The following SUPT7L variants were observed in gnomAD, a reference collection of about 807,000 sequenced individuals.
SUPT7L encodes the protein SPT7 like, STAGA complex subunit gamma.
In SUPT7L, 15 loss-of-function variants were observed where a neutral mutation model predicts 35.7. The observed-to-expected ratio is 0.42, with a 90% confidence interval of 0.28 to 0.65. The LOEUF (loss-of-function observed/expected upper bound fraction) is 0.65. Ranked by LOEUF, SUPT7L falls within the 30% of genes least tolerant of loss-of-function variation. The probability of loss-of-function intolerance (pLI) is 0.23; values close to 1 mark genes in which losing one functional copy is unlikely to be tolerated. For missense variants in SUPT7L, 434 were observed against 522.2 expected, an observed-to-expected ratio of 0.83 and a Z score of 1.65; for synonymous variants, 168 against 186.2, an observed-to-expected ratio of 0.90 and a Z score of 0.79.
At chr2:27,660,413 G>A (rs868518538) in intron 3 of SUPT7L, among the ~76,000 whole-genome samples, 2 of 151,976 alleles carry the variant, frequency 1.3e-5, no homozygotes, top group African/African-American at 4.8e-5. Flanking sequence ...TAGTACAGAT[G>A]GGGTTTCGCC....
the SUPT7L span, among the ~76,000 whole-genome samples, chr2:27,642,958 T>TACACACACACACACACAC: frequency 2.7e-4 from 33 of 122,658 alleles, no homozygotes; most frequent in East Asian, 2.7e-3. Flanking sequence ...TATATATATA[T>TACACACACACACACACAC]ACACACACAC....
At chr2:27,659,832 C>T (rs1258474399) in intron 3 of SUPT7L, among the ~76,000 whole-genome samples, 2 of 151,916 alleles carry the variant, frequency 1.3e-5, no homozygotes, top group Non-Finnish European at 1.5e-5. Flanking sequence ...TGTATACACA[C>T]ACATATGTGA....
chr2:27,653,507 T>C lies in SUPT7L; in HGVS notation c.1223A>G (p.Lys408Arg). 1 of 1,614,200 alleles carries C rather than the reference T, an allele frequency of 6.2e-7. No homozygotes were observed. Among genetic ancestry groups the C allele is most frequent in the Non-Finnish European group, 8.5e-7 (1 of 1,180,034 alleles). ...CTTTTATATTTTCCTCATCCTCTTC[T>C]TGCAGCGCTGGTTGAAAACAGGGGA... ...GSSPVFNQRCKKRMRKI is the reference protein window; with the variant it reads ...GSSPVFNQRCRKRMRKI Residue 408 changes from lysine (K) to arginine (R), a missense_variant, in exon 6 of 6, where the codon AAG becomes AGG. By Grantham distance (26) the Lys-to-Arg change is conservative (BLOSUM62 2). Transcript: ENST00000337768.
chr2:27,647,986 T>C (rs145512340), downstream of SUPT7L: 14,819 of 1,059,524 alleles, frequency 0.014, 138 homozygotes, highest in Middle Eastern at 0.041. Flanking sequence ...GAGCATCTGC[T>C]TATCCTCACA....
intron 3 of SUPT7L, among the ~76,000 whole-genome samples, chr2:27,658,168 C>G (rs985103349): frequency 6.6e-6 from 1 of 152,094 alleles, no homozygotes; most frequent in African/African-American, 2.4e-5. Context: ...TACAAGGGAC[C>G]ATTTCAAAAC....
chr2:27,653,426 A>G lies in SUPT7L; in HGVS notation c.*59T>C. On this transcript the variant is annotated 3_prime_UTR_variant, in exon 6 of 6. Transcript: ENST00000337768. ...AATTTTTAAGGAAACAGATTCTAATACAAAAACCTTTTCTGTTGGGTCTAG... is the reference window on the plus strand; with the variant it reads ...AATTTTTAAGGAAACAGATTCTAATGCAAAAACCTTTTCTGTTGGGTCTAG... 6.4e-7 allele frequency: 1 copy of G among 1,552,656 alleles called. No individual in the cohort carries two copies. Among genetic ancestry groups the G allele is most frequent in the Non-Finnish European group, 8.7e-7 (1 of 1,154,708 alleles).
Position 27,657,382 on chromosome 2 carries a change from T to C in SUPT7L, c.707A>G (p.Gln236Arg). 1 of 1,614,240 alleles carries C rather than the reference T, an allele frequency of 6.2e-7. No individual in the cohort carries two copies. Among genetic ancestry groups the C allele is most frequent in the African/African-American group, 1.3e-5 (1 of 75,066 alleles). ...GSVLSLQKFW[Q>R]HRIKDYHSYM... is the part of the protein sequence containing the mutation. ...ACTGTGATAGTCCTTGATGCGGTGCTGCCAGAACTTCTGGAGGGAGAGCAC... is the reference window on the plus strand; with the variant it reads ...ACTGTGATAGTCCTTGATGCGGTGCCGCCAGAACTTCTGGAGGGAGAGCAC... The change falls in exon 4 of 6, where the codon CAG (glutamine) becomes CGG (arginine). Residue 236 changes from glutamine to arginine, a missense_variant. Gln to Arg is a conservative substitution (Grantham distance 43). This residue lies in a region of SUPT7L where 198 missense variants were observed against 190.8 expected (regional missense o/e 1.04). Coordinates refer to ENST00000337768, the MANE Select transcript of SUPT7L (RefSeq NM_014860.3). This position sits in a 1 kb window ranked among gnomAD's most constrained non-coding sequence, Gnocchi z 5.2.
downstream of SUPT7L, chr2:27,649,971 T>C: frequency 3.5e-6 from 2 of 567,480 alleles, no homozygotes; most frequent in East Asian, 6.0e-5. Context: ...TAGAGCATGC[T>C]TCTAGGAGAC....
downstream of SUPT7L, among the ~76,000 whole-genome samples, chr2:27,646,103 G>A (rs565726439): frequency 4.7e-4 from 71 of 152,198 alleles, 1 homozygote; most frequent in Non-Finnish European, 9.1e-4. Flanking sequence ...GTGCAATGGC[G>A]CGATCTCGGC....
At chr2:27,643,243 T>A in the SUPT7L span, among the ~76,000 whole-genome samples, 6 of 151,390 alleles carry the variant, frequency 4.0e-5, no homozygotes, top group South Asian at 4.1e-4. The surrounding 1 kb of genome is among the most constrained non-coding windows in gnomAD (Gnocchi z 4.0). Context: ...TTTACAGAAG[T>A]TACATGAATA....
In SUPT7L at chr2:27,651,536, T is replaced by C. The variant is rs923066896; in HGVS notation, c.*1949A>G. 1 of 152,292 alleles carries C rather than the reference T, an allele frequency of 6.6e-6. No individual in the cohort carries two copies. The highest frequency in any genetic ancestry group is 2.4e-5 in the African/African-American group (1 of 41,474). The allele number at this position is 152,292 out of a possible 1,614,324, so 9.4% of individuals were successfully genotyped here. ...ATTAATTTTAATGTTCTATACTTAG[T>C]GGGAACCACTGGTCTCAAAATTTGA... On this transcript the variant is annotated 3_prime_UTR_variant, in exon 6 of 6. Coordinates refer to ENST00000337768, the MANE Select transcript of SUPT7L (RefSeq NM_014860.3).
At chr2:27,642,803 G>T in the SUPT7L span, among the ~76,000 whole-genome samples, 1 of 152,100 alleles carries the variant, frequency 6.6e-6, no homozygotes, top group East Asian at 1.9e-4. Context: ...GACCTCAGAT[G>T]ATCCACCCAC....
At chr2:27,654,718 C>A (rs567696747) in intron 5 of SUPT7L, among the ~76,000 whole-genome samples, 44 of 152,294 alleles carry the variant, frequency 2.9e-4, no homozygotes, top group Non-Finnish European at 2.2e-4. Context: ...GGGTGCCCAC[C>A]ACCACGCCCA....
chr2:27,648,232 T>C (rs1674339444), downstream of SUPT7L, among the ~76,000 whole-genome samples: 1 of 152,092 alleles, frequency 6.6e-6, no homozygotes, highest in Non-Finnish European at 1.5e-5. Context: ...TTTAAGAATA[T>C]GTAAGGGCTG....
In SUPT7L at chr2:27,657,311, C is replaced by T. The variant is rs754269950; in HGVS notation, c.744+34G>A. On this transcript the variant is annotated intron_variant, in intron 4 of 5. Transcript: ENST00000337768. The surrounding 1 kb of genome is among the most constrained non-coding windows in gnomAD (Gnocchi z 5.2). The stretch of plus-strand genomic sequence containing the variant: ...GCTGAACACTCCGAGATTGCACAGA[C>T]ATCTGTGCCCACTTTTCAACAGGGT... 1.9e-6 allele frequency: 3 copies of T among 1,597,780 alleles called. No individual in the cohort carries two copies. Among genetic ancestry groups the T allele is most frequent in the Non-Finnish European group, 2.6e-6 (3 of 1,169,780 alleles).
At chr2:27,647,702 T>C, downstream of SUPT7L, 1 of 610,926 alleles carries the variant, frequency 1.6e-6, no homozygotes, top group Non-Finnish European at 3.0e-6. Context: ...TAACAATACA[T>C]TTAGAAGAGG....
At chr2:27,644,275 C>T in the SUPT7L span, among the ~76,000 whole-genome samples, 1 of 152,002 alleles carries the variant, frequency 6.6e-6, no homozygotes, top group Non-Finnish European at 1.5e-5. Context: ...CTATAAATAT[C>T]CTTTTAGTTT....
downstream of SUPT7L, chr2:27,650,320 A>T: frequency 1.8e-6 from 1 of 568,444 alleles, no homozygotes; most frequent in South Asian, 2.1e-5. Context: ...TCAGAGTAGC[A>T]AAGTTTCTCT....
chr2:27,663,068 A>C (rs900629157), intron 1 of SUPT7L, among the ~76,000 whole-genome samples: 1 of 141,878 alleles, frequency 7.0e-6, no homozygotes, highest in Admixed American at 7.9e-5. Flanking sequence ...GATTACAGGC[A>C]TGAGCCACCG....
Sources: allele counts gnomAD v4.1 joint callset (sites outside exome capture counted in the v4.1 genomes callset), GRCh38; gene constraint gnomAD v4.1.1; regional missense constraint gnomAD v4.1.1; non-coding constraint Gnocchi (gnomAD v3.1); transcripts MANE v1.5; gene names NCBI Gene and HGNC (gene_info 2026-07-23, HGNC 2026-07-21).